The following ARHGEF2 variants were observed in gnomAD, a reference collection of about 807,000 sequenced individuals.
The protein encoded by ARHGEF2 is Rho/Rac guanine nucleotide exchange factor 2.
Under a neutral mutation model 121.0 loss-of-function variants are expected in ARHGEF2, and 22 were observed. The observed-to-expected ratio is 0.18, with a 90% CI of 0.13 to 0.26. The LOEUF is 0.26. Ranked by LOEUF, ARHGEF2 falls within the 10% of genes least tolerant of loss-of-function variation. The probability of loss-of-function intolerance (pLI) is 1.00; values close to 1 mark genes in which losing one functional copy is unlikely to be tolerated. For missense variants in ARHGEF2, 907 were observed against 1,336.0 expected, an observed-to-expected ratio of 0.68 and a Z score of 5.01; for synonymous variants, 487 against 530.0, an observed-to-expected ratio of 0.92 and a Z score of 1.11.
Position 155,962,715 on chromosome 1 carries a change from A to C in ARHGEF2, c.979T>G (p.Ser327Ala). The C allele has an allele frequency of 6.2e-7, 1 of 1,614,154 alleles. No individual in the cohort carries two copies. Among genetic ancestry groups the C allele is most frequent in the Non-Finnish European group, 8.5e-7 (1 of 1,180,010 alleles). ...RLGDLLISQF[S>A]GPSAEQMCKT... is the part of the protein sequence containing the mutation. ...CACATCTGCTCCGCACTAGGACCTG[A>C]GAACTAGAAGTTGGTCGAGTAAGGT... is the stretch of plus-strand genomic sequence containing the variant. The change falls in exon 9 of 22, where the codon TCA becomes GCA. Residue 327 changes from serine (S) to alanine (A), a missense_variant. Transcript: ENST00000361247. The surrounding 1 kb of genome is among the most constrained non-coding windows in gnomAD (Gnocchi z 5.8).
intron 1 of ARHGEF2, chr1:155,970,250 T>C: frequency 1.0e-6 from 1 of 985,530 alleles, no homozygotes; most frequent in Non-Finnish European, 1.2e-6. Context: ...CCTCGGAGCC[T>C]CTGAGCCGCA....
chr1:155,952,870 G>A (rs749246385), intron 14 of ARHGEF2, 42 bp from the exon 15 acceptor site: 2 of 1,601,574 alleles, frequency 1.2e-6, no homozygotes, highest in South Asian at 2.2e-5. Context: ...GGACGTAGGG[G>A]TATGCAAGAG....
In ARHGEF2 at chr1:155,950,669, C is replaced by CA. The variant is rs1675248160; in HGVS notation, c.2703+159dup. Among the ~76,000 whole-genome samples, 1 of 152,224 alleles carries CA rather than the reference C, an allele frequency of 6.6e-6. No individual in the cohort carries two copies. Among genetic ancestry groups the CA allele is most frequent in the South Asian group, 2.1e-4 (1 of 4,834 alleles). ...AGTTAATTTCCTCCACCCCTGCACC[C>CA]ATCTACATTTCTTTTCAGTTCTCCA... On this transcript the variant is annotated intron_variant, in intron 20 of 21. Coordinates refer to ENST00000361247, the MANE Select transcript of ARHGEF2 (RefSeq NM_001162383.2). The surrounding 1 kb of genome is among the most constrained non-coding windows in gnomAD (Gnocchi z 5.2).
chr1:155,953,067 C>T (rs1014317984), intron 14 of ARHGEF2, among the ~76,000 whole-genome samples: 3 of 152,058 alleles, frequency 2.0e-5, no homozygotes, highest in Admixed American at 2.0e-4. Context: ...GAGTTCAAGA[C>T]CAGCCTGGCT....
rs1678243129 is a variant in ARHGEF2, at chr1:155,962,793, C to T, written c.976-75G>A. The T allele has an allele frequency of 1.2e-6, 2 of 1,601,536 alleles. No homozygotes were observed. Among genetic ancestry groups the T allele is most frequent in the Non-Finnish European group, 1.7e-6 (2 of 1,172,460 alleles). On this transcript the variant is annotated intron_variant, in intron 8 of 21. Transcript: ENST00000361247. The surrounding 1 kb of genome is among the most constrained non-coding windows in gnomAD (Gnocchi z 5.8). ...TTTACCCACTGGACACACCTCTGGC[C>T]TCCTGCCAAACAGGCTGGCTTCCTG...
Position 155,950,307 on chromosome 1 carries a change from C to T in ARHGEF2, c.2879G>A (p.Ser960Asn), listed in dbSNP as rs745943972. ...EGSSRLSPPH[S>N]PRDFTRMQDI... ...CTCCGCCAGGGTCTCACCTCGTGGA[C>T]TGTGGGGCGGAGACAGACGGCTGCT... is the stretch of plus-strand genomic sequence containing the variant. Residue 960 changes from serine to asparagine, a missense_variant, in exon 21 of 22, where the codon AGT (serine) becomes AAT (asparagine). Ser to Asn is a conservative substitution (Grantham distance 46, BLOSUM62 1). This residue lies in a region of ARHGEF2 where 432 missense variants were observed against 559.5 expected (regional missense o/e 0.77). Transcript: ENST00000361247. The surrounding 1 kb of genome is among the most constrained non-coding windows in gnomAD (Gnocchi z 5.2). The T allele has an allele frequency of 1.9e-6, 3 of 1,612,630 alleles. No individual in the cohort carries two copies. Among genetic ancestry groups the T allele is most frequent in the African/African-American group, 2.7e-5 (2 of 74,922 alleles).
At chr1:155,974,943 G>A (rs1332590519) in intron 1 of ARHGEF2, among the ~76,000 whole-genome samples, 2 of 152,076 alleles carry the variant, frequency 1.3e-5, no homozygotes, top group South Asian at 2.1e-4. Context: ...AAGGCAGGCC[G>A]GCTGGGTTGG....
chr1:155,954,093 C>A (rs1174912828), intron 14 of ARHGEF2, among the ~76,000 whole-genome samples: 1 of 150,652 alleles, frequency 6.6e-6, no homozygotes, highest in Non-Finnish European at 1.5e-5. Flanking sequence ...TCCCGAGTAG[C>A]CAGGACTACA....
chr1:155,973,189 C>T (rs1680762079), intron 1 of ARHGEF2, among the ~76,000 whole-genome samples: 1 of 152,138 alleles, frequency 6.6e-6, no homozygotes, highest in Non-Finnish European at 1.5e-5. Flanking sequence ...AGCAAAGAAG[C>T]AAGGAAGGAT....
At position 155,962,612 on chromosome 1, in the gene ARHGEF2, C is replaced by T. The variant is rs1678200581; in HGVS notation, c.1082G>A (p.Arg361His). The T allele has an allele frequency of 5.6e-6, 9 of 1,613,872 alleles. No homozygotes were observed. Among genetic ancestry groups the T allele is most frequent in the Non-Finnish European group, 6.8e-6 (8 of 1,180,016 alleles). ...GCTCACCCGGATGAATTGCTGGAAG[C>T]GTTTGTCTCGGGCGTACAGCTCCTT... ...LYKELYARDKRFQQFIRKVTR... is the reference protein window; with the variant it reads ...LYKELYARDKHFQQFIRKVTR... The change falls in exon 9 of 22, where the codon CGC becomes CAC. Residue 361 changes from arginine (R) to histidine (H), a missense_variant. By Grantham distance (29) the Arg-to-His change is conservative. Around this residue, in one of 2 missense-constraint regions of ARHGEF2, gnomAD observed 475 missense variants for 776.5 expected, o/e 0.61. Coordinates refer to ENST00000361247, the MANE Select transcript of ARHGEF2 (RefSeq NM_001162383.2). The surrounding 1 kb of genome is among the most constrained non-coding windows in gnomAD (Gnocchi z 5.8).
intron 1 of ARHGEF2, chr1:155,972,455 C>G (rs2102689057): frequency 2.8e-6 from 1 of 360,090 alleles, no homozygotes; most frequent in Non-Finnish European, 5.8e-6. Flanking sequence ...CCAGGGGTGC[C>G]TGCTCCAGAG....
At chr1:155,973,467 C>T (rs1425566753) in intron 1 of ARHGEF2, among the ~76,000 whole-genome samples, 2 of 152,058 alleles carry the variant, frequency 1.3e-5, no homozygotes, top group Non-Finnish European at 2.9e-5. Context: ...AGGGCCAGGC[C>T]GAGCGCAGTG....
intron 3 of ARHGEF2, 122 bp downstream of exon 3, chr1:155,966,698 C>T: frequency 8.2e-7 from 1 of 1,215,558 alleles, no homozygotes; most frequent in Non-Finnish European, 1.2e-6. Context: ...AGGGTCTGGG[C>T]TGCCCCTTGG....
chr1:155,951,902 AC>A lies in ARHGEF2; in HGVS notation c.2172+16del. The stretch of plus-strand genomic sequence containing the variant: ...TCCCACCCTCTTGCCAAGTCCCAGA[AC>A]CTCTTGAGGACCTACCCTCTGGCTA... On this transcript the variant is annotated intron_variant, in intron 17 of 21. Transcript: ENST00000361247. The surrounding 1 kb of genome is among the most constrained non-coding windows in gnomAD (Gnocchi z 5.1). 6.2e-7 allele frequency: 1 copy of A among 1,613,766 alleles called. No homozygotes were observed. The highest frequency in any genetic ancestry group is 1.1e-5 in the South Asian group (1 of 91,066).
intron 1 of ARHGEF2, among the ~76,000 whole-genome samples, chr1:155,973,441 T>A (rs1680802449): frequency 6.6e-6 from 1 of 152,176 alleles, no homozygotes; most frequent in African/African-American, 2.4e-5. Context: ...CTCAGTCACT[T>A]TTGGGAAAGA....
At position 155,950,200 on chromosome 1, in the gene ARHGEF2, G is replaced by T; in HGVS notation, c.2887+99C>A. ...AAGTCCCTCCCTAGAGTTACTACAAGCCTCACAGGTCAGTTAGGGCCCATT... is the reference window on the plus strand; with the variant it reads ...AAGTCCCTCCCTAGAGTTACTACAATCCTCACAGGTCAGTTAGGGCCCATT... On this transcript the variant is annotated intron_variant, in intron 21 of 21. Transcript: ENST00000361247. This position sits in a 1 kb window ranked among gnomAD's most constrained non-coding sequence, Gnocchi z 5.2. 1 of 1,413,262 alleles carries T rather than the reference G, an allele frequency of 7.1e-7. No homozygotes were observed. The highest frequency in any genetic ancestry group is 9.6e-7 in the Non-Finnish European group (1 of 1,039,072). 87.5% of individuals were successfully genotyped at this position (1,413,262 alleles called of 1,614,324 possible).
At chr1:155,972,309 G>T in intron 1 of ARHGEF2, 1 of 462,562 alleles carries the variant, frequency 2.2e-6, no homozygotes. Context: ...AGCAGCCACA[G>T]CAGCAGCACA....
chr1:155,964,165 AAAAT>A (rs1405695603), intron 7 of ARHGEF2, among the ~76,000 whole-genome samples: 7 of 93,044 alleles, frequency 7.5e-5, no homozygotes, highest in South Asian at 3.3e-4. Context: ...AAAAAAAAAA[AAAAT>A]ATATATATAT....
intron 1 of ARHGEF2, chr1:155,970,789 G>T (rs930930759): frequency 9.8e-5 from 97 of 985,790 alleles, no homozygotes; most frequent in Non-Finnish European, 1.1e-4. Context: ...GGGACAGAGG[G>T]CATGGGGCTG....
Sources: allele counts gnomAD v4.1 joint callset (sites outside exome capture counted in the v4.1 genomes callset), GRCh38; gene constraint gnomAD v4.1.1; regional missense constraint gnomAD v4.1.1; non-coding constraint Gnocchi (gnomAD v3.1); transcripts MANE v1.5; gene names NCBI Gene and HGNC (gene_info 2026-07-23, HGNC 2026-07-21).